The following DLGAP2 variants were observed in gnomAD, a reference collection of about 807,000 sequenced individuals.
DLGAP2 encodes the protein DLG associated protein 2.
In DLGAP2, 26 loss-of-function variants were observed where a neutral mutation model predicts 100.3. The ratio of observed to expected loss-of-function variants is 0.26; its 90% CI spans 0.19 to 0.36. DLGAP2 has a LOEUF of 0.36. Among genes scored for constraint, DLGAP2 ranks in the 10% least tolerant of loss-of-function variants. The pLI, the probability that DLGAP2 is intolerant of heterozygous loss-of-function variation, is 1.00. For missense variants in DLGAP2, 1,858 were observed against 1,453.2 expected, an observed-to-expected ratio of 1.28 and a Z score of -4.53; for synonymous variants, 886 against 630.1, an observed-to-expected ratio of 1.41 and a Z score of -6.08.
At chr8:787,639 G>A (rs1821908408) in intron 1 of DLGAP2, among the ~76,000 whole-genome samples, 1 of 152,316 alleles carries the variant, frequency 6.6e-6, no homozygotes, top group South Asian at 2.1e-4. Flanking sequence ...CCAGCCGGTG[G>A]CCTCTTCCCC....
chr8:1,556,390 G>C (rs1801967555), intron 5 of DLGAP2, among the ~76,000 whole-genome samples: 1 of 152,136 alleles, frequency 6.6e-6, no homozygotes, highest in Admixed American at 6.5e-5. Context: ...AGGTGGACGG[G>C]GTTTGGCTCT....
chr8:1,352,859 C>G (rs1175587677), intron 3 of DLGAP2, among the ~76,000 whole-genome samples: 3 of 152,166 alleles, frequency 2.0e-5, no homozygotes, highest in African/African-American at 7.2e-5. Flanking sequence ...GCAGGAGATC[C>G]TGGAGGAAGG....
chr8:1,325,220 G>A (rs916693718), intron 3 of DLGAP2, among the ~76,000 whole-genome samples: 4 of 152,236 alleles, frequency 2.6e-5, no homozygotes, highest in Non-Finnish European at 4.4e-5. Context: ...GATGTTCAAT[G>A]TCGCAATGAG....
chr8:1,463,650 A>T (rs1798525003), intron 3 of DLGAP2, among the ~76,000 whole-genome samples: 1 of 152,238 alleles, frequency 6.6e-6, no homozygotes, highest in Non-Finnish European at 1.5e-5. Context: ...GGCGGTCGGG[A>T]TACCCAAATC....
At chr8:1,079,763 G>A (rs1054689790) in intron 2 of DLGAP2, among the ~76,000 whole-genome samples, 1 of 152,210 alleles carries the variant, frequency 6.6e-6, no homozygotes, top group African/African-American at 2.4e-5. Flanking sequence ...AGGCCGATGA[G>A]AAGTGTCTGC....
At chr8:1,624,739 C>G (rs751124690) in intron 6 of DLGAP2, among the ~76,000 whole-genome samples, 13 of 152,012 alleles carry the variant, frequency 8.6e-5, no homozygotes, top group Non-Finnish European at 1.9e-4. Flanking sequence ...AGCTGCCCGT[C>G]CCACTGCCCA....
intron 2 of DLGAP2, among the ~76,000 whole-genome samples, chr8:1,201,024 C>G (rs1008736306): frequency 6.6e-6 from 1 of 152,132 alleles, no homozygotes; most frequent in Non-Finnish European, 1.5e-5. Flanking sequence ...GTTAGGGACC[C>G]ACACCTAGAG....
At chr8:888,180 T>C (rs1439515402) in intron 1 of DLGAP2, among the ~76,000 whole-genome samples, 1 of 152,220 alleles carries the variant, frequency 6.6e-6, no homozygotes, top group East Asian at 1.9e-4. Context: ...TCAATTAAGC[T>C]ATTGATACTT....
chr8:780,750 C>T (rs1213691948), intron 1 of DLGAP2, among the ~76,000 whole-genome samples: 2 of 152,176 alleles, frequency 1.3e-5, no homozygotes, highest in Admixed American at 6.5e-5. Context: ...CCAGAGTCGC[C>T]GTGTCTGGCA....
At chr8:1,009,707 C>A (rs527787814) in intron 2 of DLGAP2, among the ~76,000 whole-genome samples, 3 of 152,204 alleles carry the variant, frequency 2.0e-5, no homozygotes, top group Admixed American at 6.5e-5. Context: ...GAAATGGAAC[C>A]TTTTCCTTTC....
intron 2 of DLGAP2, among the ~76,000 whole-genome samples, chr8:948,325 C>G (rs962422034): frequency 1.2e-4 from 18 of 152,206 alleles, no homozygotes; most frequent in African/African-American, 4.3e-4. Context: ...GTGTCGCCTG[C>G]GGGCGTGAGG....
intron 3 of DLGAP2, among the ~76,000 whole-genome samples, chr8:1,292,384 G>T (rs1457260907): frequency 1.3e-5 from 2 of 152,190 alleles, no homozygotes; most frequent in Non-Finnish European, 2.9e-5. Flanking sequence ...AGCTCATCCT[G>T]CCAGTCAGGG....
At chr8:883,838 T>A (rs1302007101) in intron 1 of DLGAP2, among the ~76,000 whole-genome samples, 1 of 152,198 alleles carries the variant, frequency 6.6e-6, no homozygotes, top group Admixed American at 6.5e-5. Flanking sequence ...CCCCTCTCTG[T>A]GTCATTGTGT....
Position 1,549,534 on chromosome 8 carries a change from C to T in DLGAP2, c.1081C>T (p.Pro361Ser). 1 of 1,613,372 alleles carries T rather than the reference C, an allele frequency of 6.2e-7. No individual in the cohort carries two copies. Among genetic ancestry groups the T allele is most frequent in the Non-Finnish European group, 8.5e-7 (1 of 1,179,858 alleles). Residue 361 changes from proline (P) to serine (S), a missense_variant, in exon 5 of 15, where the codon CCC (proline) becomes TCC (serine). Physicochemically the swap from Pro to Ser is moderately conservative, Grantham distance 74. Coordinates refer to ENST00000637795, the MANE Select transcript of DLGAP2 (RefSeq NM_001346810.2). ...CSACEGLALT[P>S]DAKYLKRSSW... The stretch of plus-strand genomic sequence containing the variant: ...GGCCTGTGAGGGGTTGGCGCTGACG[C>T]CCGACGCCAAGTACCTGAAGCGCAG...
At chr8:1,444,983 G>A (rs7014402) in intron 3 of DLGAP2, among the ~76,000 whole-genome samples, 53,654 of 150,836 alleles carry the variant, frequency 0.36, 10,534 homozygotes, top group East Asian at 0.58. Context: ...TGTTAGCCAG[G>A]ATGATCTTGA....
chr8:1,558,436 G>C (rs891919474), intron 5 of DLGAP2, among the ~76,000 whole-genome samples: 7 of 152,190 alleles, frequency 4.6e-5, no homozygotes, highest in African/African-American at 1.4e-4. Flanking sequence ...AGAGGGAAGC[G>C]TGGGCAGGAG....
At chr8:932,947 G>C (rs1329691657) in intron 2 of DLGAP2, among the ~76,000 whole-genome samples, 1 of 152,182 alleles carries the variant, frequency 6.6e-6, no homozygotes, top group Non-Finnish European at 1.5e-5. Flanking sequence ...TAGCTTCTTA[G>C]ACTGTTTTGG....
intron 2 of DLGAP2, among the ~76,000 whole-genome samples, chr8:997,691 A>T (rs1466778668): frequency 6.6e-6 from 1 of 152,248 alleles, no homozygotes; most frequent in Non-Finnish European, 1.5e-5. Context: ...AATTCTTTAA[A>T]AGCCTAAGAA....
At chr8:1,036,059 G>A (rs1584999325) in intron 2 of DLGAP2, among the ~76,000 whole-genome samples, 1 of 123,146 alleles carries the variant, frequency 8.1e-6, no homozygotes, top group Admixed American at 8.3e-5. Flanking sequence ...CCGACCCCGC[G>A]TGTCACCGCG....
Sources: gnomAD v4.1 joint callset for allele counts (sites outside exome capture counted in the v4.1 genomes callset) on GRCh38, gnomAD v4.1.1 for gene constraint, MANE v1.5 for transcripts, NCBI Gene and HGNC (gene_info 2026-07-23, HGNC 2026-07-21) for gene names.